The following TGFBR2 variants were observed in gnomAD, a reference collection of about 807,000 sequenced individuals.
The protein encoded by TGFBR2 is TGF-beta receptor type-2.
In TGFBR2, 18 loss-of-function variants were observed where a neutral mutation model predicts 49.0. The observed-to-expected ratio is 0.37, with a 90% confidence interval of 0.25 to 0.54. The LOEUF (loss-of-function observed/expected upper bound fraction) is 0.54, where lower values mean the gene tolerates loss of function less well. Ranked by LOEUF, TGFBR2 falls within the 20% of genes least tolerant of loss-of-function variation. The pLI is 0.85. For synonymous variants in TGFBR2, 282 were observed against 275.9 expected (o/e 1.02, Z -0.22); for missense variants, 525 against 722.6 (o/e 0.73, Z 3.13).
At chr3:30,648,419 T>TACACACACACACACACACACACACAC (rs35473576) in intron 2 of TGFBR2, among the ~76,000 whole-genome samples, 1 of 115,516 alleles carries the variant, frequency 8.7e-6, no homozygotes, top group African/African-American at 3.1e-5. Context: ...AAAAACAACC[T>TACACACACACACACACACACACACAC]ACACACACAC....
At chr3:30,628,640 C>T (rs1698381920) in intron 1 of TGFBR2, among the ~76,000 whole-genome samples, 1 of 137,374 alleles carries the variant, frequency 7.3e-6, no homozygotes, top group Non-Finnish European at 1.5e-5. Flanking sequence ...CATTAGGTTT[C>T]AGTCATTGAA....
intron 1 of TGFBR2, chr3:30,623,244 G>A (rs751152594): frequency 1.9e-5 from 31 of 1,613,312 alleles, no homozygotes; most frequent in Non-Finnish European, 2.5e-5. Context: ...TGCCCCAGCT[G>A]TAATAGGACT....
chr3:30,673,932 TA>T (rs1699385557), intron 4 of TGFBR2, among the ~76,000 whole-genome samples, 172 bp from the exon 5 acceptor site: 2 of 152,228 alleles, frequency 1.3e-5, no homozygotes, highest in Middle Eastern at 3.4e-3. Flanking sequence ...ACATCTATTT[TA>T]AAAAATAACC....
At chr3:30,677,314 A>G (rs956639167) in intron 5 of TGFBR2, among the ~76,000 whole-genome samples, 2 of 152,256 alleles carry the variant, frequency 1.3e-5, no homozygotes, top group African/African-American at 4.8e-5. Flanking sequence ...GATATGGTTT[A>G]TTCAGCTAGT....
intron 5 of TGFBR2, among the ~76,000 whole-genome samples, chr3:30,684,673 C>T (rs1699594524): frequency 6.6e-6 from 1 of 152,012 alleles, no homozygotes; most frequent in African/African-American, 2.4e-5. Context: ...GTGAAATTAC[C>T]CATAAGTCGA....
intron 1 of TGFBR2, among the ~76,000 whole-genome samples, chr3:30,633,319 G>A (rs1372552540): frequency 6.6e-6 from 1 of 152,110 alleles, no homozygotes; most frequent in Admixed American, 6.5e-5. Flanking sequence ...GTCTGCATTC[G>A]ATAAATCATG....
chr3:30,653,599 G>A (rs1036096), intron 3 of TGFBR2, among the ~76,000 whole-genome samples: 23,520 of 152,066 alleles, frequency 0.15, 2,082 homozygotes, highest in East Asian at 0.37. Flanking sequence ...GTCCAACAAG[G>A]TGGTGAACAC....
In TGFBR2 at chr3:30,671,645, C is replaced by T. The variant is rs1699338437; in HGVS notation, c.462C>T (p.Asn154=). ...NDNIIFSEEY[N]TSNPDLLLVI... ...GTTTTGTTTCCCCATCAGAATATAA[C>T]ACCAGCAATCCTGACTTGTTGCTAG... is the stretch of plus-strand genomic sequence containing the variant. The change falls in exon 4 of 7, where the codon AAC becomes AAT. Residue 154 remains asparagine (N), a synonymous_variant. Transcript: ENST00000295754. 3 of 1,614,220 alleles carry T rather than the reference C, an allele frequency of 1.9e-6. No homozygotes were observed. The highest frequency in any genetic ancestry group is 2.5e-6 in the Non-Finnish European group (3 of 1,180,028).
intron 3 of TGFBR2, among the ~76,000 whole-genome samples, chr3:30,666,640 AT>A (rs1699249555): frequency 3.7e-4 from 2 of 5,374 alleles, no homozygotes; most frequent in South Asian, 0.014. Flanking sequence ...CTACCCCCCC[AT>A]CCCCGCCCGC....
intron 1 of TGFBR2, among the ~76,000 whole-genome samples, chr3:30,619,074 T>A (rs1220593836): frequency 1.3e-5 from 2 of 152,200 alleles, no homozygotes; most frequent in East Asian, 3.8e-4. Flanking sequence ...TCTTTGCCTT[T>A]GACATCTGAA....
chr3:30,647,196 T>C (rs1698758058), intron 2 of TGFBR2, among the ~76,000 whole-genome samples: 1 of 152,194 alleles, frequency 6.6e-6, no homozygotes, highest in East Asian at 1.9e-4. Context: ...ACACTTTTCA[T>C]GGGTAGCCAT....
intron 5 of TGFBR2, among the ~76,000 whole-genome samples, chr3:30,675,393 C>CT (rs5847637): frequency 0.32 from 46,064 of 145,020 alleles, 7,598 homozygotes; most frequent in East Asian, 0.43. Flanking sequence ...TAACTCCACC[C>CT]TTTTTTTTTT....
chr3:30,691,397 T>C (rs2125454980), intron 6 of TGFBR2, 23 bp from the exon 7 acceptor site: 1 of 1,613,572 alleles, frequency 6.2e-7, no homozygotes, highest in Non-Finnish European at 8.5e-7. Context: ...CATGGTGCCC[T>C]TTGGATCTCT....
At chr3:30,674,345 T>C (rs1274523395) in intron 5 of TGFBR2, 99 bp downstream of exon 5, 22 of 1,466,430 alleles carry the variant, frequency 1.5e-5, no homozygotes, top group Non-Finnish European at 9.5e-7. Flanking sequence ...AAAGCAGTTA[T>C]TAGAGCTAGT....
In TGFBR2 at chr3:30,691,652, G is replaced by C; in HGVS notation, c.*53G>C. 1 of 1,608,920 alleles carries C rather than the reference G, an allele frequency of 6.2e-7. No homozygotes were observed. Among genetic ancestry groups the C allele is most frequent in the South Asian group, 1.1e-5 (1 of 90,714 alleles). On this transcript the variant is annotated 3_prime_UTR_variant, in exon 7 of 7. Coordinates refer to ENST00000295754, the MANE Select transcript of TGFBR2 (RefSeq NM_003242.6). ...CAAAGAGGCTGCCCCTCTCACCAAA[G>C]AACAGAGGCAGCAGGAAGCTGCCCC...
At chr3:30,644,422 C>T (rs951312028) in intron 1 of TGFBR2, among the ~76,000 whole-genome samples, 4 of 152,072 alleles carry the variant, frequency 2.6e-5, no homozygotes, top group African/African-American at 4.8e-5. Flanking sequence ...CCCAGCACTC[C>T]GTACTATGCA....
intron 5 of TGFBR2, among the ~76,000 whole-genome samples, chr3:30,681,179 A>C (rs1167720228): frequency 2.6e-5 from 4 of 151,746 alleles, no homozygotes; most frequent in Non-Finnish European, 5.9e-5. Flanking sequence ...AAAAAAAAAA[A>C]AAGTGCAAAT....
At chr3:30,633,179 A>G (rs17025824) in intron 1 of TGFBR2, among the ~76,000 whole-genome samples, 8,667 of 152,268 alleles carry the variant, frequency 0.057, 429 homozygotes, top group East Asian at 0.27. Context: ...TTGATATGAT[A>G]TGATAAGTTA....
chr3:30,649,690 C>A (rs1385777288), intron 2 of TGFBR2, among the ~76,000 whole-genome samples: 1 of 151,994 alleles, frequency 6.6e-6, no homozygotes, highest in Non-Finnish European at 1.5e-5. Flanking sequence ...TGCGATGTTT[C>A]TTCCCGTTTT....
Sources: gnomAD v4.1 joint callset for allele counts (sites outside exome capture counted in the v4.1 genomes callset) on GRCh38, gnomAD v4.1.1 for gene constraint, MANE v1.5 for transcripts, NCBI Gene and HGNC (gene_info 2026-07-23, HGNC 2026-07-21) for gene names.